Variants in PRKG1 observed in about 807,000 individuals in gnomAD.
PRKG1 encodes protein kinase cGMP-dependent 1, also known as cGMP-dependent protein kinase 1.
In PRKG1, 35 loss-of-function variants were observed where a neutral mutation model predicts 88.1. The observed-to-expected ratio is 0.40, with a 90% CI of 0.30 to 0.53. PRKG1 has a LOEUF of 0.53. Ranked by LOEUF, PRKG1 falls within the 20% of genes least tolerant of loss-of-function variation. PRKG1 has a pLI of 0.59. For synonymous variants in PRKG1, 303 were observed against 292.5 expected (o/e 1.04, Z -0.37); for missense variants, 540 against 839.8 (o/e 0.64, Z 4.41).
At chr10:51,354,912 A>C (rs937453946) in intron 2 of PRKG1, among the ~76,000 whole-genome samples, 2 of 152,034 alleles carry the variant, frequency 1.3e-5, no homozygotes, top group Non-Finnish European at 2.9e-5. Flanking sequence ...AGATGCTGAC[A>C]GTTATAGGGA....
intron 3 of PRKG1, among the ~76,000 whole-genome samples, chr10:51,565,370 C>A (rs915351406): frequency 6.6e-6 from 1 of 151,882 alleles, no homozygotes; most frequent in Non-Finnish European, 1.5e-5. Flanking sequence ...CAGAGCAGAC[C>A]CTAGCCCCTG....
intron 5 of PRKG1, among the ~76,000 whole-genome samples, chr10:51,968,328 C>T (rs1446175714): frequency 1.3e-5 from 2 of 152,006 alleles, no homozygotes; most frequent in South Asian, 2.1e-4. Context: ...GAATGGTTGG[C>T]TCCAGGCTAT....
At chr10:51,461,729 CT>C (rs1262699704) in intron 2 of PRKG1, among the ~76,000 whole-genome samples, 2 of 152,136 alleles carry the variant, frequency 1.3e-5, no homozygotes, top group Non-Finnish European at 2.9e-5. Context: ...TGGGGTCATC[CT>C]TTTCCTTCTT....
chr10:51,931,139 G>A (rs532727889), intron 5 of PRKG1, among the ~76,000 whole-genome samples: 1 of 152,214 alleles, frequency 6.6e-6, no homozygotes, highest in African/African-American at 2.4e-5. Flanking sequence ...GGTCCATTAT[G>A]GAACTGAATA....
At chr10:51,003,412 C>A (rs1842909876) in intron 1 of PRKG1, among the ~76,000 whole-genome samples, 2 of 152,120 alleles carry the variant, frequency 1.3e-5, no homozygotes, top group Admixed American at 6.5e-5. Context: ...GGTGTCCACA[C>A]AAAAGGAGAC....
intron 3 of PRKG1, among the ~76,000 whole-genome samples, chr10:51,602,140 C>A (rs1298175928): frequency 2.0e-5 from 3 of 152,078 alleles, no homozygotes; most frequent in Non-Finnish European, 4.4e-5. Context: ...AGTAAGACAT[C>A]ATTCTACATT....
At chr10:51,217,455 A>T (rs114570351) in intron 2 of PRKG1, among the ~76,000 whole-genome samples, 1 of 152,156 alleles carries the variant, frequency 6.6e-6, no homozygotes, top group Non-Finnish European at 1.5e-5. Flanking sequence ...ATGCAAGTGG[A>T]TGATTACAAA....
In PRKG1 at chr10:52,118,060, A is replaced by G. The variant is rs192811999; in HGVS notation, c.936-15780A>G. The stretch of plus-strand genomic sequence containing the variant: ...GCTTTTAATGTTATTTCCCAAAAGT[A>G]TAAGTACATATGTAAGATTAAAAAT... On this transcript the variant is annotated intron_variant, in intron 7 of 17. Coordinates refer to ENST00000373980, the MANE Select transcript of PRKG1 (RefSeq NM_006258.4). 2.6e-3 allele frequency among the ~76,000 whole-genome samples: 403 copies of G among 152,242 alleles called. 5 individuals are homozygous for G. Among genetic ancestry groups the G allele is most frequent in the African/African-American group, 9.4e-3 (389 of 41,586 alleles).
intron 5 of PRKG1, among the ~76,000 whole-genome samples, chr10:51,914,098 G>A (rs1176460607): frequency 2.0e-5 from 3 of 151,912 alleles, no homozygotes; most frequent in Non-Finnish European, 4.4e-5. Flanking sequence ...ACTAAGATAA[G>A]TCTCTATACA....
At chr10:51,528,419 T>G (rs1183400752) in intron 3 of PRKG1, among the ~76,000 whole-genome samples, 3 of 137,608 alleles carry the variant, frequency 2.2e-5, no homozygotes, top group Admixed American at 2.1e-4. Context: ...TAAATACACT[T>G]TTTTCCCCAA....
chr10:51,267,330 C>T (rs970186326), intron 2 of PRKG1, among the ~76,000 whole-genome samples: 1 of 152,218 alleles, frequency 6.6e-6, no homozygotes, highest in Admixed American at 6.5e-5. Context: ...ATCATATAAA[C>T]TTTCTTATGC....
At chr10:51,449,569 C>T (rs1839370541) in intron 2 of PRKG1, among the ~76,000 whole-genome samples, 1 of 72,284 alleles carries the variant, frequency 1.4e-5, no homozygotes, top group South Asian at 3.6e-4. Context: ...TTACTATTTC[C>T]TGTGCTGCTA....
At chr10:51,285,413 G>A (rs10465969) in intron 2 of PRKG1, among the ~76,000 whole-genome samples, 2,594 of 152,110 alleles carry the variant, frequency 0.017, 75 homozygotes, top group African/African-American at 0.059. Context: ...CTAAAAATTG[G>A]CTCAGCCCTC....
intron 3 of PRKG1, among the ~76,000 whole-genome samples, chr10:51,724,865 T>C (rs900410988): frequency 1.3e-4 from 18 of 140,602 alleles, no homozygotes; most frequent in African/African-American, 4.8e-4. Context: ...GGCTAATTTT[T>C]GTACTTTTTT....
chr10:51,207,923 T>A (rs1055690001), intron 2 of PRKG1, among the ~76,000 whole-genome samples: 1 of 152,214 alleles, frequency 6.6e-6, no homozygotes, highest in Non-Finnish European at 1.5e-5. Flanking sequence ...AGACATCTTA[T>A]CTGAGTCCTC....
intron 2 of PRKG1, among the ~76,000 whole-genome samples, chr10:51,192,050 T>A (rs1837644411): frequency 6.6e-6 from 1 of 151,748 alleles, no homozygotes; most frequent in Non-Finnish European, 1.5e-5. Context: ...ATGATGCCTG[T>A]GGACTAGAGC....
At chr10:51,960,602 A>G (rs1843423665) in intron 5 of PRKG1, among the ~76,000 whole-genome samples, 1 of 151,952 alleles carries the variant, frequency 6.6e-6, no homozygotes, top group Admixed American at 6.6e-5. Flanking sequence ...CTATTGGTAA[A>G]ATAAAGACGA....
intron 1 of PRKG1, among the ~76,000 whole-genome samples, chr10:51,091,093 T>C (rs1427290486): frequency 2.0e-5 from 3 of 152,192 alleles, no homozygotes; most frequent in Non-Finnish European, 2.9e-5. Flanking sequence ...AATACATTAA[T>C]GGTCTTGGAC....
intron 3 of PRKG1, among the ~76,000 whole-genome samples, chr10:51,474,140 T>G (rs1378668490): frequency 2.0e-5 from 3 of 151,914 alleles, no homozygotes; most frequent in Non-Finnish European, 2.9e-5. Flanking sequence ...GGGATGGGTG[T>G]TGTTGTTACC....
Sources: allele counts gnomAD v4.1 joint callset (sites outside exome capture counted in the v4.1 genomes callset), GRCh38; gene constraint gnomAD v4.1.1; transcripts MANE v1.5; gene names NCBI Gene and HGNC (gene_info 2026-07-23, HGNC 2026-07-21).